Variants in SUSD1 observed in about 807,000 individuals in gnomAD.
SUSD1 encodes the protein sushi domain-containing protein 1.
SUSD1 carries 65 observed loss-of-function variants against 86.9 expected under a neutral mutation model. The ratio of observed to expected loss-of-function variants is 0.75; its 90% CI spans 0.61 to 0.92. The LOEUF (loss-of-function observed/expected upper bound fraction) is 0.92. Ranked by LOEUF, SUSD1 falls within the 40% of genes least tolerant of loss-of-function variation. The pLI is 0.00. For synonymous variants in SUSD1, 346 were observed against 350.0 expected, an observed-to-expected ratio of 0.99 and a Z score of 0.13; for missense variants, 850 against 929.7, an observed-to-expected ratio of 0.91 and a Z score of 1.11.
chr9:112,157,683 T>C lies in SUSD1; in HGVS notation c.104-70A>G. 2.9e-6 allele frequency: 4 copies of C among 1,359,536 alleles called. No homozygotes were observed. In the South Asian group the frequency reaches 3.7e-5, roughly 13 times the overall value. The allele number at this position is 1,359,536 out of a possible 1,614,324, so 84.2% of individuals were successfully genotyped here. A position where few individuals can be genotyped will look rare whatever the true frequency, so the allele number is the denominator to read the frequency against. ...GAGACACATGTAGTTAGTGGACATT[T>C]ACAACGAAGAACCAAAATTTGAAGA... is the stretch of plus-strand genomic sequence containing the variant. On this transcript the variant is annotated intron_variant, in intron 1 of 16. Transcript: ENST00000374270.
chr9:112,058,683 T>C lies in SUSD1; in HGVS notation c.1854A>G (p.Ser618=). 2 of 1,613,872 alleles carry C rather than the reference T, an allele frequency of 1.2e-6. No homozygotes were observed. The highest frequency in any genetic ancestry group is 1.7e-6 in the Non-Finnish European group (2 of 1,179,882). ...KAKEKNGPIS[S]YQVLVLPLAL... ...CCAGGGGAAGCACTAACACCTGATA[T>C]GAACTGGAAGAAAAAAGGAGAAGTG... The change falls in exon 14 of 17, where the codon TCA becomes TCG. Residue 618 remains serine, a synonymous_variant. Transcript: ENST00000374270.
intron 10 of SUSD1, among the ~76,000 whole-genome samples, chr9:112,081,231 A>T (rs1158136150): frequency 1.3e-5 from 2 of 152,226 alleles, no homozygotes; most frequent in Non-Finnish European, 2.9e-5. Context: ...ACAACTCCCA[A>T]ATTACGTGAA....
intron 6 of SUSD1, among the ~76,000 whole-genome samples, chr9:112,118,482 G>A (rs760893925): frequency 6.6e-6 from 1 of 152,050 alleles, no homozygotes; most frequent in African/African-American, 2.4e-5. Flanking sequence ...GGTGGCACGC[G>A]AATACTTTTT....
At chr9:112,057,871 A>T (rs1335793328) in intron 14 of SUSD1, among the ~76,000 whole-genome samples, 1 of 152,214 alleles carries the variant, frequency 6.6e-6, no homozygotes, top group Non-Finnish European at 1.5e-5. Flanking sequence ...CAGATCTTCC[A>T]TCCCTGACTG....
At chr9:112,145,512 C>A (rs1318461596) in intron 3 of SUSD1, among the ~76,000 whole-genome samples, 2 of 152,112 alleles carry the variant, frequency 1.3e-5, no homozygotes, top group African/African-American at 4.8e-5. Context: ...GAACTCCCGA[C>A]CTCAAATTGT....
intron 2 of SUSD1, among the ~76,000 whole-genome samples, chr9:112,149,652 T>C (rs1394086558): frequency 6.6e-6 from 1 of 152,156 alleles, no homozygotes; most frequent in African/African-American, 2.4e-5. Context: ...CCGTCTGATT[T>C]GAAGATTGGG....
Position 112,160,416 on chromosome 9 carries a change from C to T in SUSD1, c.104-2803G>A, listed in dbSNP as rs924489355. Among the ~76,000 whole-genome samples, 16 of 152,238 alleles carry T rather than the reference C, an allele frequency of 1.1e-4. No individual in the cohort carries two copies. In the East Asian group the frequency reaches 2.9e-3, roughly 28 times the overall value. ...AAAATTAGCCGGGCGCAGTGGCAGG[C>T]AGCTGTACTCCCAGCTACTCAGTAG... On this transcript the variant is annotated intron_variant, in intron 1 of 16. Coordinates refer to ENST00000374270, the MANE Select transcript of SUSD1 (RefSeq NM_022486.5).
intron 1 of SUSD1, among the ~76,000 whole-genome samples, chr9:112,171,091 C>A (rs944059445): frequency 6.6e-6 from 1 of 152,168 alleles, no homozygotes; most frequent in Non-Finnish European, 1.5e-5. Context: ...CCCAAATGGT[C>A]AGGCTTTAAT....
chr9:112,092,775 C>T (rs1041286415), intron 10 of SUSD1, among the ~76,000 whole-genome samples: 1 of 151,978 alleles, frequency 6.6e-6, no homozygotes, highest in Non-Finnish European at 1.5e-5. Flanking sequence ...TGGAAAAGAT[C>T]AATAGATTTG....
chr9:112,102,042 C>T (rs1163600557), intron 9 of SUSD1, 134 bp downstream of exon 9: 4 of 499,878 alleles, frequency 8.0e-6, no homozygotes, highest in Non-Finnish European at 1.4e-5. Flanking sequence ...CATCTTACAT[C>T]CATCTCTAGA....
chr9:112,173,576 T>C (rs1403767443), intron 1 of SUSD1: 2 of 376,822 alleles, frequency 5.3e-6, no homozygotes, highest in Non-Finnish European at 1.0e-5. Flanking sequence ...GAGCTGGAAC[T>C]GAAGCTGGAG....
intron 6 of SUSD1, among the ~76,000 whole-genome samples, chr9:112,114,561 C>G (rs542456704): frequency 6.7e-4 from 102 of 152,286 alleles, no homozygotes; most frequent in African/African-American, 2.4e-3. Flanking sequence ...GAAAGTTGTC[C>G]TCATGTCACC....
intron 1 of SUSD1, among the ~76,000 whole-genome samples, chr9:112,165,843 A>G (rs1161430671): frequency 7.1e-6 from 1 of 140,960 alleles, no homozygotes; most frequent in African/African-American, 2.6e-5. Context: ...AGAAAGAAAG[A>G]AAGAGAAAGA....
At chr9:112,157,411 GT>G in intron 2 of SUSD1, 88 bp downstream of exon 2, 1 of 854,150 alleles carries the variant, frequency 1.2e-6, no homozygotes, top group Admixed American at 2.7e-5. Context: ...AAATAACAAT[GT>G]TTTTCCCCAA....
At chr9:112,168,002 G>A (rs992838325) in intron 1 of SUSD1, among the ~76,000 whole-genome samples, 1 of 152,096 alleles carries the variant, frequency 6.6e-6, no homozygotes, top group Non-Finnish European at 1.5e-5. Flanking sequence ...ACAGTATGGG[G>A]GAAACCTCCC....
chr9:112,151,466 G>A (rs548180668), intron 2 of SUSD1, among the ~76,000 whole-genome samples: 18 of 150,062 alleles, frequency 1.2e-4, no homozygotes, highest in Admixed American at 2.7e-4. Context: ...GCATAATGGC[G>A]GGCACCTGTA....
chr9:112,115,547 C>A (rs1219015913), intron 6 of SUSD1, among the ~76,000 whole-genome samples: 1 of 152,108 alleles, frequency 6.6e-6, no homozygotes, highest in Non-Finnish European at 1.5e-5. Flanking sequence ...TGGCTCACGC[C>A]TGTAATCCTA....
chr9:112,091,692 G>C (rs1830211902), intron 10 of SUSD1, among the ~76,000 whole-genome samples: 1 of 152,126 alleles, frequency 6.6e-6, no homozygotes, highest in South Asian at 2.1e-4. Flanking sequence ...TGAAAGCAAA[G>C]TTACTATTGT....
Position 112,078,573 on chromosome 9 carries a change from A to C in SUSD1, c.1718T>G (p.Leu573Arg). The change falls in exon 12 of 17, where the codon CTT becomes CGT. Residue 573 changes from leucine to arginine, a missense_variant. Coordinates refer to ENST00000374270, the MANE Select transcript of SUSD1 (RefSeq NM_022486.5). ...NVSLRALSSE[L>R]PVVISLTTQI... Reference sequence around the variant, plus strand: ...GGTTGTCAGGGAGATGACCACAGGAAGTTCCGAAGACAGAGCCCGGAGACT... The same window carrying C: ...GGTTGTCAGGGAGATGACCACAGGACGTTCCGAAGACAGAGCCCGGAGACT... The C allele has an allele frequency of 6.2e-7, 1 of 1,613,588 alleles. No homozygotes were observed. Among genetic ancestry groups the C allele is most frequent in the Non-Finnish European group, 8.5e-7 (1 of 1,179,566 alleles).
Sources: allele counts gnomAD v4.1 joint callset (sites outside exome capture counted in the v4.1 genomes callset), GRCh38; gene constraint gnomAD v4.1.1; transcripts MANE v1.5; gene names NCBI Gene and HGNC (gene_info 2026-07-23, HGNC 2026-07-21).